KAZN: variants seen among roughly 807,000 people sequenced by gnomAD.
KAZN encodes kazrin.
KAZN carries 40 observed loss-of-function variants against 87.4 expected under a neutral mutation model. The ratio of observed to expected loss-of-function variants is 0.46; its 90% CI spans 0.36 to 0.60. KAZN has a LOEUF of 0.60. Ranked by LOEUF, KAZN falls within the 20% of genes least tolerant of loss-of-function variation. KAZN has a pLI of 0.00. For missense variants in KAZN, 898 were observed against 1,073.9 expected (o/e 0.84, Z 2.29); for synonymous variants, 466 against 458.3 (o/e 1.02, Z -0.22).
intron 2 of KAZN, among the ~76,000 whole-genome samples, chr1:14,574,189 C>T (rs984153960): frequency 1.3e-5 from 2 of 152,198 alleles, no homozygotes; most frequent in Non-Finnish European, 2.9e-5. Flanking sequence ...CTCACCCCCA[C>T]CTTGGTTTCC....
intron 1 of KAZN, among the ~76,000 whole-genome samples, chr1:14,666,667 G>A (rs1050761827): frequency 6.6e-6 from 1 of 152,134 alleles, no homozygotes. Flanking sequence ...ACACTCCTTG[G>A]CTTGTAGCAA....
At chr1:14,279,715 A>T (rs538860467) in intron 2 of KAZN, among the ~76,000 whole-genome samples, 130 of 152,292 alleles carry the variant, frequency 8.5e-4, no homozygotes, top group East Asian at 4.6e-3. Context: ...TTAAATATTT[A>T]TGAAATGTTT....
At chr1:14,572,277 G>A (rs112567794) in intron 2 of KAZN, among the ~76,000 whole-genome samples, 4 of 152,284 alleles carry the variant, frequency 2.6e-5, no homozygotes, top group African/African-American at 7.2e-5. Flanking sequence ...TGCAGAGTCC[G>A]CTGGCACGGC....
chr1:14,349,377 A>T (rs1350991920), intron 2 of KAZN: 1 of 152,168 alleles, frequency 6.6e-6, no homozygotes, highest in Non-Finnish European at 1.5e-5. Context: ...AATTTGTAGA[A>T]CCTACCAAAA....
rs149368685 is a variant in KAZN, at chr1:14,086,927, T to A, written c.92-93508T>A. The stretch of plus-strand genomic sequence containing the variant: ...ATGCAAATGCTACACAGTCTTGATA[T>A]CTTCAGCTTTATAATATCTTGAAAT... On this transcript the variant is annotated intron_variant, in intron 1 of 16. Coordinates refer to the KAZN transcript ENST00000636203. Among the ~76,000 whole-genome samples the A allele has an allele frequency of 6.5e-3, 992 of 152,350 alleles. 10 individuals are homozygous for A. The South Asian group carries it at 0.066, about 10-fold the overall frequency.
intron 1 of KAZN, among the ~76,000 whole-genome samples, chr1:13,921,005 C>T (rs1640046043): frequency 6.6e-6 from 1 of 152,088 alleles, no homozygotes; most frequent in South Asian, 2.1e-4. Flanking sequence ...GCTGACTTTT[C>T]TGTGTGCTCA....
At chr1:14,569,447 C>T (rs1674731462) in intron 2 of KAZN, among the ~76,000 whole-genome samples, 1 of 151,358 alleles carries the variant, frequency 6.6e-6, no homozygotes, top group African/African-American at 2.4e-5. Context: ...CTCAGCCTCC[C>T]GAGTAGCTGG....
At position 14,598,952 on chromosome 1, in the gene KAZN, T is replaced by G. The variant is rs765967740; in HGVS notation, c.-46T>G. ...CCGGCCGCGCGCCCCCCGCGCATCA[T>G]GCAGCTCTTTGTCACCTCTCTCGCC... is the stretch of plus-strand genomic sequence containing the variant. On this transcript the variant is annotated 5_prime_UTR_variant, in exon 1 of 15. An upstream start codon of the reference 5' UTR is lost. Transcript: ENST00000376030. This position sits in a 1 kb window ranked among gnomAD's most constrained non-coding sequence, Gnocchi z 4.2. 1.9e-6 allele frequency: 3 copies of G among 1,559,404 alleles called. No homozygotes were observed. The highest frequency in any genetic ancestry group is 2.6e-6 in the Non-Finnish European group (3 of 1,156,776).
At chr1:14,948,453 A>G (rs1431046768) in intron 1 of KAZN, among the ~76,000 whole-genome samples, 1 of 151,736 alleles carries the variant, frequency 6.6e-6, no homozygotes, top group Non-Finnish European at 1.5e-5. Context: ...CTCTGATTGG[A>G]CTGACTTGGG....
At chr1:14,076,090 G>A (rs112385953) in intron 1 of KAZN, among the ~76,000 whole-genome samples, 66 of 152,042 alleles carry the variant, frequency 4.3e-4, no homozygotes, top group Non-Finnish European at 2.6e-4. Context: ...GACCATCCTG[G>A]CTAACATGGT....
At chr1:14,510,352 T>C (rs1670838374) in intron 2 of KAZN, among the ~76,000 whole-genome samples, 1 of 145,160 alleles carries the variant, frequency 6.9e-6, no homozygotes, top group Admixed American at 7.0e-5. Context: ...CACTCCAGCC[T>C]GGGCAACGAG....
chr1:14,933,431 A>G (rs1660080017), intron 1 of KAZN, among the ~76,000 whole-genome samples: 1 of 152,006 alleles, frequency 6.6e-6, no homozygotes, highest in South Asian at 2.1e-4. Context: ...TTCCTGCCCC[A>G]CCGCTGATGG....
At chr1:14,338,808 T>A (rs1657470941) in intron 2 of KAZN, among the ~76,000 whole-genome samples, 1 of 152,084 alleles carries the variant, frequency 6.6e-6, no homozygotes, top group East Asian at 1.9e-4. Context: ...AGTACATAAG[T>A]GAGATGAAAA....
chr1:15,004,033 T>C (rs1668764866), intron 2 of KAZN, among the ~76,000 whole-genome samples: 1 of 152,144 alleles, frequency 6.6e-6, no homozygotes, highest in Admixed American at 6.5e-5. Context: ...TTGTCTTCTG[T>C]TCTTGGCACC....
intron 2 of KAZN, among the ~76,000 whole-genome samples, chr1:14,999,608 G>C (rs1252326342): frequency 6.6e-6 from 1 of 152,090 alleles, no homozygotes; most frequent in African/African-American, 2.4e-5. Flanking sequence ...TCCACTTGCA[G>C]ATCAGAATCT....
chr1:13,993,640 G>C (rs1322601723), intron 1 of KAZN, among the ~76,000 whole-genome samples: 1 of 152,172 alleles, frequency 6.6e-6, no homozygotes, highest in African/African-American at 2.4e-5. Flanking sequence ...GAAGATCCCA[G>C]CCTTCGTGGA....
intron 2 of KAZN, among the ~76,000 whole-genome samples, chr1:14,504,782 G>A (rs1670462041): frequency 6.6e-6 from 1 of 152,216 alleles, no homozygotes; most frequent in Admixed American, 6.5e-5. Context: ...GTAAAGTGCT[G>A]TAGGATAAAT....
At chr1:14,666,628 T>G (rs1639569068) in intron 1 of KAZN, among the ~76,000 whole-genome samples, 1 of 152,184 alleles carries the variant, frequency 6.6e-6, no homozygotes, top group Non-Finnish European at 1.5e-5. Context: ...GGATACTTCC[T>G]TGCCTCTTTC....
At chr1:14,529,912 AC>A in intron 2 of KAZN, among the ~76,000 whole-genome samples, 1 of 152,316 alleles carries the variant, frequency 6.6e-6, no homozygotes, top group Middle Eastern at 3.4e-3. Flanking sequence ...TGCTTTTATG[AC>A]AAAAGCACCT....
Sources: allele counts gnomAD v4.1 joint callset (sites outside exome capture counted in the v4.1 genomes callset), GRCh38; gene constraint gnomAD v4.1.1; non-coding constraint Gnocchi (gnomAD v3.1); transcripts MANE v1.5; gene names NCBI Gene and HGNC (gene_info 2026-07-23, HGNC 2026-07-21).